SERPINA10: variants seen among roughly 807,000 people sequenced by gnomAD.
SERPINA10 encodes protein Z-dependent protease inhibitor.
Under a neutral mutation model 28.0 loss-of-function variants are expected in SERPINA10, and 24 were observed. That is an observed-to-expected ratio of 0.86 (90% CI 0.62 to 1.20). SERPINA10 has a LOEUF of 1.20. Among genes scored for constraint, SERPINA10 ranks in the 50% most tolerant of loss-of-function variants. SERPINA10 has a pLI of 0.00. For synonymous variants in SERPINA10, 207 were observed against 203.9 expected (o/e 1.02, Z -0.13); for missense variants, 521 against 537.7 (o/e 0.97, Z 0.31).
At chr14:94,284,243 T>G (rs1305783797) in intron 4 of SERPINA10, 87 bp from the exon 5 acceptor site, 1 of 1,191,594 alleles carries the variant, frequency 8.4e-7, no homozygotes, top group African/African-American at 1.5e-5. Flanking sequence ...TTCACAGTGG[T>G]CCTACCCATG....
intron 4 of SERPINA10, among the ~76,000 whole-genome samples, chr14:94,285,526 C>T (rs1894999330): frequency 6.6e-6 from 1 of 150,756 alleles, no homozygotes; most frequent in South Asian, 2.1e-4. Context: ...TACACACACA[C>T]ATATACACAC....
Position 94,286,183 on chromosome 14 carries a change from T to C in SERPINA10, c.1068A>G (p.Gly356=), listed in dbSNP as rs751412310. 1.9e-6 allele frequency: 3 copies of C among 1,613,996 alleles called. No individual in the cohort carries two copies. The highest frequency in any genetic ancestry group is 2.2e-5 in the South Asian group (2 of 91,080). ...CAAAGGGTGAGAAGATTCTTCTGAT[T>C]CCCATCTGCCTAAGCAGCTCATGCA... ...YEMHELLRQM[G]IRRIFSPFAD... is the part of the protein sequence containing the mutation. Residue 356 remains glycine (G), a synonymous_variant, in exon 4 of 5, where the codon GGA becomes GGG. Transcript: ENST00000261994.
intron 3 of SERPINA10, 55 bp downstream of exon 3, chr14:94,288,231 G>A: frequency 6.2e-7 from 1 of 1,603,238 alleles, no homozygotes; most frequent in Non-Finnish European, 8.5e-7. Context: ...ATTGTGCTGA[G>A]CGTTTGCCAG....
At chr14:94,285,857 A>C (rs1445729422) in intron 4 of SERPINA10, among the ~76,000 whole-genome samples, 1 of 152,210 alleles carries the variant, frequency 6.6e-6, no homozygotes, top group Admixed American at 6.6e-5. Flanking sequence ...TTTCAGGGTC[A>C]AATTTCTCCC....
In SERPINA10 at chr14:94,284,149, T is replaced by C. The variant is rs2232710; in HGVS notation, c.1151A>G (p.Gln384Arg). 16,150 of 1,613,922 alleles carry C rather than the reference T, an allele frequency of 0.01. 105 individuals carry two copies. The highest frequency in any genetic ancestry group is 0.012 in the Non-Finnish European group (13,732 of 1,179,770). The change falls in exon 5 of 5, where the codon CAA (glutamine) becomes CGA (arginine). Residue 384 changes from glutamine (Q) to arginine (R), a missense_variant. Physicochemically the swap from Gln to Arg is conservative, Grantham distance 43 (BLOSUM62 1). Transcript: ENST00000261994. ...GRNLQVSRVL[Q>R]RTVIEVDERG... is the part of the protein sequence containing the mutation. ...TTCATCAACTTCAATCACTGTTCTT[T>C]GTAAAACCTGGAAAAAGGAAATAAT...
rs1312497908 is a variant in SERPINA10, at chr14:94,282,509, C to G, written c.*1456G>C. 2 of 152,106 alleles carry G rather than the reference C, an allele frequency of 1.3e-5. No homozygotes were observed. Among genetic ancestry groups the G allele is most frequent in the Non-Finnish European group, 2.9e-5 (2 of 68,040 alleles). 9.4% of individuals were successfully genotyped at this position (152,106 alleles called of 1,614,324 possible). ...GTAGTGCATGCTGTTTACCTGGTCC[C>G]CATCAGATGTTTTAGATGGAAGGAA... On this transcript the variant is annotated 3_prime_UTR_variant, in exon 5 of 5. Coordinates refer to ENST00000261994, the MANE Select transcript of SERPINA10 (RefSeq NM_001100607.3).
intron 1 of SERPINA10, among the ~76,000 whole-genome samples, chr14:94,292,306 G>A (rs1163328906): frequency 1.3e-5 from 2 of 152,034 alleles, no homozygotes; most frequent in Non-Finnish European, 2.9e-5. Context: ...GACACGGTGC[G>A]AAGGTGGCCA....
chr14:94,281,427 C>G lies in SERPINA10; in HGVS notation c.*2538G>C, dbSNP rs1209580459. Reference sequence around the variant, plus strand: ...CTCCAGCCTGGGTGACAGAGCAAGACTCTGTCTCAAAACAAAAACAAAAAC... The same window carrying G: ...CTCCAGCCTGGGTGACAGAGCAAGAGTCTGTCTCAAAACAAAAACAAAAAC... On this transcript the variant is annotated 3_prime_UTR_variant, in exon 5 of 5. Transcript: ENST00000261994. 1 of 152,598 alleles carries G rather than the reference C, an allele frequency of 6.6e-6. No homozygotes were observed. The highest frequency in any genetic ancestry group is 2.4e-5 in the African/African-American group (1 of 41,582). The allele number at this position is 152,598 out of a possible 1,614,324, so 9.5% of individuals were successfully genotyped here.
intron 3 of SERPINA10, among the ~76,000 whole-genome samples, chr14:94,287,386 C>T (rs1895050670): frequency 1.3e-5 from 2 of 152,150 alleles, no homozygotes; most frequent in Admixed American, 1.3e-4. Context: ...TGACACCTCT[C>T]TCACCCACAT....
chr14:94,289,525 G>A (rs1895107815), intron 2 of SERPINA10, among the ~76,000 whole-genome samples: 1 of 152,228 alleles, frequency 6.6e-6, no homozygotes, highest in African/African-American at 2.4e-5. Context: ...TCTAAGGGCA[G>A]AGAGTTGGTC....
At chr14:94,288,183 C>T (rs1895070202) in intron 3 of SERPINA10, 103 bp downstream of exon 3, 1 of 1,488,524 alleles carries the variant, frequency 6.7e-7, no homozygotes, top group Non-Finnish European at 9.4e-7. Flanking sequence ...ACTTATAGCT[C>T]ACTGGAGGAG....
chr14:94,288,157 G>T (rs943860655), intron 3 of SERPINA10, 129 bp downstream of exon 3: 6 of 1,277,464 alleles, frequency 4.7e-6, no homozygotes, highest in African/African-American at 1.5e-5. Context: ...GACAAATGCT[G>T]CCCTGCCTTC....
At chr14:94,286,941 C>A (rs1380129034) in intron 3 of SERPINA10, among the ~76,000 whole-genome samples, 1 of 152,138 alleles carries the variant, frequency 6.6e-6, no homozygotes, top group East Asian at 1.9e-4. Context: ...GAAGATAAAA[C>A]TAACCCTGGG....
At chr14:94,285,511 A>G (rs56287894) in intron 4 of SERPINA10, among the ~76,000 whole-genome samples, 76 of 151,584 alleles carry the variant, frequency 5.0e-4, no homozygotes, top group African/African-American at 1.8e-3. Context: ...GTGTGTATAT[A>G]TATATACACA....
chr14:94,292,925 G>C (rs1040796149), intron 1 of SERPINA10: 12 of 507,840 alleles, frequency 2.4e-5, no homozygotes, highest in Non-Finnish European at 1.4e-5. Context: ...GCAGTGAGTG[G>C]TGGTGGGTGA....
intron 1 of SERPINA10, among the ~76,000 whole-genome samples, chr14:94,292,354 C>T (rs1449856159): frequency 1.3e-5 from 2 of 152,140 alleles, no homozygotes; most frequent in African/African-American, 4.8e-5. Flanking sequence ...AGAATCCGGC[C>T]ACGCTGGCAC....
chr14:94,284,281 C>T, intron 4 of SERPINA10, 125 bp from the exon 5 acceptor site: 1 of 861,352 alleles, frequency 1.2e-6, no homozygotes, highest in Non-Finnish European at 1.9e-6. Context: ...TTTAGTGGAG[C>T]AGGCCCATCT....
In SERPINA10 at chr14:94,283,898, C is replaced by T; in HGVS notation, c.*67G>A. On this transcript the variant is annotated 3_prime_UTR_variant, in exon 5 of 5. Transcript: ENST00000261994. ...CTCCCCTGCCATCCATTGCTGGTAT[C>T]CTGTGTGTGTTTGATACCTCAGATT... 1 of 1,477,170 alleles carries T rather than the reference C, an allele frequency of 6.8e-7. No homozygotes were observed. The highest frequency in any genetic ancestry group is 1.7e-5 in the Admixed American group (1 of 59,838). 91.5% of individuals were successfully genotyped at this position (1,477,170 alleles called of 1,614,324 possible).
chr14:94,292,768 G>A, intron 1 of SERPINA10: 1 of 691,252 alleles, frequency 1.4e-6, no homozygotes, highest in Non-Finnish European at 2.6e-6. Flanking sequence ...CCTGGACTAG[G>A]ACACCATCCA....
Sources: allele counts gnomAD v4.1 joint callset (sites outside exome capture counted in the v4.1 genomes callset), GRCh38; gene constraint gnomAD v4.1.1; transcripts MANE v1.5; gene names NCBI Gene and HGNC (gene_info 2026-07-23, HGNC 2026-07-21).